The following PLCD3 variants were observed in gnomAD, a reference collection of about 807,000 sequenced individuals.
PLCD3 encodes phospholipase C delta 3.
Under a neutral mutation model 82.8 loss-of-function variants are expected in PLCD3, and 62 were observed. The observed-to-expected ratio is 0.75, with a 90% confidence interval of 0.61 to 0.93. PLCD3 has a LOEUF of 0.93. Ranked by LOEUF, PLCD3 falls within the 40% of genes least tolerant of loss-of-function variation. The pLI is 0.00. For synonymous variants in PLCD3, 478 were observed against 471.8 expected (o/e 1.01, Z -0.17); for missense variants, 1,023 against 1,103.4 (o/e 0.93, Z 1.03).
At chr17:45,120,225 G>T in intron 4 of PLCD3, 100 bp downstream of exon 4, 1 of 1,504,830 alleles carries the variant, frequency 6.6e-7, no homozygotes, top group Non-Finnish European at 9.1e-7. Context: ...AAAAGCTGCA[G>T]GTGGAGAGGG....
intron 13 of PLCD3, 35 bp from the exon 14 acceptor site, chr17:45,113,047 CCCCAGGA>C: frequency 6.2e-7 from 1 of 1,602,180 alleles, no homozygotes; most frequent in Middle Eastern, 1.7e-4. Flanking sequence ...AGCCCAGGGG[CCCCAGGA>C]CCCACCCTGC....
intron 8 of PLCD3, 40 bp downstream of exon 8, chr17:45,116,592 A>G: frequency 6.6e-7 from 1 of 1,516,132 alleles, no homozygotes; most frequent in Non-Finnish European, 8.9e-7. Context: ...GACTCCCACC[A>G]GACCTCCCTC....
chr17:45,118,130 G>A lies in PLCD3; in HGVS notation c.1124C>T (p.Ala375Val), dbSNP rs1279657824. The A allele has an allele frequency of 1.2e-6, 2 of 1,613,972 alleles. No homozygotes were observed. The highest frequency in any genetic ancestry group is 1.7e-6 in the Non-Finnish European group (2 of 1,179,880). The change falls in exon 7 of 15, where the codon GCC (alanine) becomes GTC (valine). Residue 375 changes from alanine to valine, a missense_variant. This residue lies in a region of PLCD3 where 553 missense variants were observed against 655.7 expected (regional missense o/e 0.84). Transcript: ENST00000619929. This position sits in a 1 kb window ranked among gnomAD's most constrained non-coding sequence, Gnocchi z 4.1. ...CAGCTCCACGCAGCGGCATCCCTGG[G>A]CAAAGGCCCTGTGTGTGGACAGATG... ...SSTEAYVRAF[A>V]QGCRCVELDC...
intron 7 of PLCD3, among the ~76,000 whole-genome samples, chr17:45,117,063 GCCT>G (rs2054297338): frequency 6.6e-6 from 1 of 152,114 alleles, no homozygotes; most frequent in Non-Finnish European, 1.5e-5. Context: ...CCCTGCCTCA[GCCT>G]CCTAAGTAGC....
chr17:45,112,913 G>C lies in PLCD3; in HGVS notation c.2231C>G (p.Pro744Arg), dbSNP rs540260792. 12 of 1,612,638 alleles carry C rather than the reference G, an allele frequency of 7.4e-6. No individual in the cohort carries two copies. Among genetic ancestry groups the C allele is most frequent in the African/African-American group, 2.7e-5 (2 of 74,986 alleles). Reference protein sequence around the residue: ...FVVEDYDATSPNDFVGQFTLP... With the variant: ...FVVEDYDATSRNDFVGQFTLP... The stretch of plus-strand genomic sequence containing the variant: ...TGTAAACTGGCCCACAAAGTCATTG[G>C]GGGAGGTGGCGTCATAATCTTCCAC... Residue 744 changes from proline to arginine, a missense_variant, in exon 14 of 15, where the codon CCC becomes CGC. Pro to Arg is a moderately radical substitution (Grantham distance 103). Transcript: ENST00000619929.
At position 45,132,511 on chromosome 17, in the gene PLCD3, C is replaced by CTTAGCGGCGCGA. The variant is rs2054479556; in HGVS notation, c.-102_-101insTCGCGCCGCTAA. ...CCCCGGCTCTGAGCGAGGCGGCGAG[C>CTTAGCGGCGCGA]GAAGAAACTTAGCGGCGCGGGAGGG... On this transcript the variant is annotated 5_prime_UTR_variant, in exon 1 of 15. Transcript: ENST00000619929. The surrounding 1 kb of genome is among the most constrained non-coding windows in gnomAD (Gnocchi z 4.6). The CTTAGCGGCGCGA allele has an allele frequency of 1.5e-6, 1 of 649,176 alleles. No individual in the cohort carries two copies. Among genetic ancestry groups the CTTAGCGGCGCGA allele is most frequent in the Admixed American group, 5.5e-5 (1 of 18,084 alleles). 40.2% of individuals were successfully genotyped at this position (649,176 alleles called of 1,614,324 possible).
rs531862183 is a variant in PLCD3, at chr17:45,121,099, C to T, written c.357G>A (p.Glu119=). The change falls in exon 3 of 15, where the codon GAG becomes GAA. Residue 119 remains glutamate, a synonymous_variant. Transcript: ENST00000619929. ...GCCGCAGGCCCTCGGACTGGTGGCC[C>T]TCGCGGACCGCCTCGATGTGCTGCA... is the stretch of plus-strand genomic sequence containing the variant. The part of the protein sequence containing the change: ...FFVQHIEAVR[E]GHQSEGLRRF... The T allele has an allele frequency of 4.2e-4, 637 of 1,531,092 alleles. 1 individual carries two copies. Among genetic ancestry groups the T allele is most frequent in the Non-Finnish European group, 5.4e-4 (619 of 1,147,332 alleles). 94.8% of individuals were successfully genotyped at this position (1,531,092 alleles called of 1,614,324 possible).
At chr17:45,113,803 C>A (rs1191180296) in intron 11 of PLCD3, among the ~76,000 whole-genome samples, 198 bp from the exon 12 acceptor site, 1 of 151,992 alleles carries the variant, frequency 6.6e-6, no homozygotes, top group Non-Finnish European at 1.5e-5. Context: ...CCCTGGGATC[C>A]CTCAAGACTG....
chr17:45,118,097 C>T lies in PLCD3; in HGVS notation c.1157G>A (p.Trp386Ter). 6.2e-7 allele frequency: 1 copy of T among 1,613,932 alleles called. No homozygotes were observed. Among genetic ancestry groups the T allele is most frequent in the South Asian group, 1.1e-5 (1 of 91,064 alleles). The change falls in exon 7 of 15, where the codon TGG (tryptophan) becomes TAG (stop). Residue 386 changes from tryptophan (W) to a stop codon, truncating the protein, a stop_gained. Transcript: ENST00000619929. LOFTEE classifies it high-confidence loss of function. The surrounding 1 kb of genome is among the most constrained non-coding windows in gnomAD (Gnocchi z 4.1). ...QGCRCVELDC[W>*]EGPGGEPVIY... ...GACGGGCTCCCCTCCTGGCCCCTCC[C>T]AGCAGTCCAGCTCCACGCAGCGGCA...
chr17:45,118,554 T>C lies in PLCD3; in HGVS notation c.914-62A>G. 1.9e-6 allele frequency: 3 copies of C among 1,575,710 alleles called. No homozygotes were observed. Among genetic ancestry groups the C allele is most frequent in the Admixed American group, 1.7e-5 (1 of 59,366 alleles). ...GGGATCCCCCATGTCCAGCTTCCAA[T>C]GCCCCCAAGGCCCACTCAGCTTAGG... On this transcript the variant is annotated intron_variant, in intron 5 of 14. Transcript: ENST00000619929. This position sits in a 1 kb window ranked among gnomAD's most constrained non-coding sequence, Gnocchi z 4.1.
intron 1 of PLCD3, among the ~76,000 whole-genome samples, chr17:45,125,396 C>T (rs189183622): frequency 3.5e-4 from 54 of 152,188 alleles, no homozygotes; most frequent in Admixed American, 9.2e-4. Context: ...GTCAGGAGTT[C>T]GAGACCAGCC....
At position 45,119,073 on chromosome 17, in the gene PLCD3, G is replaced by A. The variant is rs546848851; in HGVS notation, c.685-30C>T. 1.9e-4 allele frequency: 291 copies of A among 1,550,858 alleles called. 1 individual carries two copies. The highest frequency in any genetic ancestry group is 1.9e-3 in the Middle Eastern group (11 of 5,938). On this transcript the variant is annotated intron_variant, in intron 4 of 14. Transcript: ENST00000619929. ...GGAGCAGCAGGAGAAGCTCAGAGGAGGCAGACACTCCAGGAAACCTGGCCC... is the reference window on the plus strand; with the variant it reads ...GGAGCAGCAGGAGAAGCTCAGAGGAAGCAGACACTCCAGGAAACCTGGCCC...
intron 4 of PLCD3, 87 bp downstream of exon 4, chr17:45,120,238 G>C: frequency 1.3e-6 from 2 of 1,561,028 alleles, no homozygotes; most frequent in South Asian, 2.3e-5. Flanking sequence ...GGAGAGGGCA[G>C]GGGAGCTGAT....
In PLCD3 at chr17:45,109,756, T is replaced by G. The variant is rs1435345734; in HGVS notation, c.*2860A>C. On this transcript the variant is annotated 3_prime_UTR_variant, in exon 15 of 15. Coordinates refer to ENST00000619929, the MANE Select transcript of PLCD3 (RefSeq NM_133373.5). ...GAGAGAACATAGCCCTATGTGTTGT[T>G]TCTACCCATGGGCCTCTGGGATAAA... is the stretch of plus-strand genomic sequence containing the variant. The G allele has an allele frequency of 6.6e-6, 1 of 152,354 alleles. No homozygotes were observed. Among genetic ancestry groups the G allele is most frequent in the Non-Finnish European group, 1.5e-5 (1 of 68,146 alleles). 9.4% of individuals were successfully genotyped at this position (152,354 alleles called of 1,614,324 possible).
At chr17:45,117,019 A>G (rs1227762302) in intron 7 of PLCD3, among the ~76,000 whole-genome samples, 1 of 152,038 alleles carries the variant, frequency 6.6e-6, no homozygotes, top group Non-Finnish European at 1.5e-5. Flanking sequence ...ATCTCAGCTC[A>G]CTACAATTCC....
chr17:45,113,539 C>T lies in PLCD3; in HGVS notation c.1895G>A (p.Gly632Glu). The change falls in exon 12 of 15, where the codon GGG becomes GAG. Residue 632 changes from glycine to glutamate, a missense_variant. Gly to Glu is a moderately conservative substitution (Grantham distance 98). Coordinates refer to ENST00000619929, the MANE Select transcript of PLCD3 (RefSeq NM_133373.5). ...DLNAGRFLVNGQCGYVLKPAC... is the reference protein window; with the variant it reads ...DLNAGRFLVNEQCGYVLKPAC... ...AGGTTTTAGGACGTAGCCACACTGCCCATTGACTAGGAAGCGCCCGGCATT... is the reference window on the plus strand; with the variant it reads ...AGGTTTTAGGACGTAGCCACACTGCTCATTGACTAGGAAGCGCCCGGCATT... 2 of 1,568,806 alleles carry T rather than the reference C, an allele frequency of 1.3e-6. No individual in the cohort carries two copies. Among genetic ancestry groups the T allele is most frequent in the Non-Finnish European group, 1.7e-6 (2 of 1,157,202 alleles).
chr17:45,120,272 A>C, intron 4 of PLCD3, 53 bp downstream of exon 4: 1 of 1,610,534 alleles, frequency 6.2e-7, no homozygotes, highest in Non-Finnish European at 8.5e-7. Flanking sequence ...GGGGGCAGGC[A>C]GAGGTCAGAG....
intron 11 of PLCD3, among the ~76,000 whole-genome samples, chr17:45,113,848 G>A (rs2054268701): frequency 1.3e-5 from 2 of 151,958 alleles, no homozygotes; most frequent in Non-Finnish European, 2.9e-5. Flanking sequence ...CCACCCTCAG[G>A]GCCAGGCTTG....
intron 1 of PLCD3, among the ~76,000 whole-genome samples, chr17:45,126,010 T>C (rs2054378514): frequency 6.6e-6 from 1 of 152,146 alleles, no homozygotes; most frequent in African/African-American, 2.4e-5. Context: ...TAAAAATGGT[T>C]GCAATGGCCA....
Sources: allele counts gnomAD v4.1 joint callset (sites outside exome capture counted in the v4.1 genomes callset), GRCh38; gene constraint gnomAD v4.1.1; regional missense constraint gnomAD v4.1.1; non-coding constraint Gnocchi (gnomAD v3.1); transcripts MANE v1.5; gene names NCBI Gene and HGNC (gene_info 2026-07-23, HGNC 2026-07-21).